The following RGS17 variants were observed in gnomAD, a reference collection of about 807,000 sequenced individuals.
The protein encoded by RGS17 is regulator of G protein signaling 17.
A neutral mutation model predicts 25.5 loss-of-function variants in RGS17; 12 were observed. The observed-to-expected ratio is 0.47, with a 90% CI of 0.30 to 0.76. The LOEUF (loss-of-function observed/expected upper bound fraction) is 0.76, where lower values mean the gene tolerates loss of function less well. RGS17 is among the 30% of genes least tolerant of loss of function. The pLI, the probability that RGS17 is intolerant of heterozygous loss-of-function variation, is 0.07. For synonymous variants in RGS17, 71 were observed against 76.9 expected (o/e 0.92, Z 0.40); for missense variants, 196 against 242.2 (o/e 0.81, Z 1.27).
intron 1 of RGS17, among the ~76,000 whole-genome samples, chr6:153,116,919 T>C (rs1428973572): frequency 6.6e-6 from 1 of 152,018 alleles, no homozygotes; most frequent in Non-Finnish European, 1.5e-5. Context: ...CACCAAGGCC[T>C]GTCAGGAGGT....
At chr6:153,123,841 G>A (rs141174560) in intron 1 of RGS17, among the ~76,000 whole-genome samples, 122 of 152,204 alleles carry the variant, frequency 8.0e-4, no homozygotes, top group East Asian at 2.7e-3. Context: ...CAATGATTAC[G>A]CAGGGTAGCC....
intron 3 of RGS17, among the ~76,000 whole-genome samples, chr6:153,025,339 G>A (rs1248329984): frequency 6.6e-6 from 1 of 151,452 alleles, no homozygotes; most frequent in Non-Finnish European, 1.5e-5. Flanking sequence ...TTTTTCCTAC[G>A]AAAAGTTAAT....
At chr6:153,120,248 T>A (rs1365207245) in intron 1 of RGS17, among the ~76,000 whole-genome samples, 1 of 152,234 alleles carries the variant, frequency 6.6e-6, no homozygotes, top group Non-Finnish European at 1.5e-5. Flanking sequence ...AATGGCGTGC[T>A]AAACATCTGC....
At chr6:153,071,148 G>A (rs1228995496) in intron 1 of RGS17, among the ~76,000 whole-genome samples, 3 of 148,050 alleles carry the variant, frequency 2.0e-5, no homozygotes, top group Non-Finnish European at 4.5e-5. Flanking sequence ...GTACATATGT[G>A]TATATGTACA....
Position 153,033,976 on chromosome 6 carries a change from G to A in RGS17, c.120-7433C>T, listed in dbSNP as rs75153169. Among the ~76,000 whole-genome samples the A allele has an allele frequency of 4.5e-3, 682 of 152,218 alleles. 12 individuals are homozygous for A. Among genetic ancestry groups the A allele is most frequent in the African/African-American group, 0.016 (647 of 41,530 alleles). On this transcript the variant is annotated intron_variant, in intron 2 of 4. Transcript: ENST00000206262. The stretch of plus-strand genomic sequence containing the variant: ...TGTGACTGTTATTAAAATGGCATGC[G>A]ATCATTTGTGTCAAGTGCATTAATT...
chr6:153,030,192 G>T (rs911322340), intron 2 of RGS17, among the ~76,000 whole-genome samples: 2 of 152,256 alleles, frequency 1.3e-5, no homozygotes, highest in East Asian at 3.9e-4. Context: ...CCTCTCTATG[G>T]GGGTGGATTG....
In RGS17 at chr6:153,054,116, G is replaced by GTA. The variant is rs1197939021; in HGVS notation, c.-25-10075_-25-10074dup. Among the ~76,000 whole-genome samples, 34 of 38,638 alleles carry GTA rather than the reference G, an allele frequency of 8.8e-4. 7 individuals carry two copies. In the South Asian group the frequency reaches 0.01, roughly 12 times the overall value. The allele number at this position is 38,638 out of a possible 152,430, so 25.3% of individuals were successfully genotyped here. A position where few individuals can be genotyped will look rare whatever the true frequency, so the allele number is the denominator to read the frequency against. On this transcript the variant is annotated intron_variant, in intron 1 of 4. Coordinates refer to ENST00000206262, the MANE Select transcript of RGS17 (RefSeq NM_012419.5). The stretch of plus-strand genomic sequence containing the variant: ...TTTATATATATATATATATATATGT[G>GTA]TATATATATATATATACAGCTTTAT...
intron 1 of RGS17, among the ~76,000 whole-genome samples, chr6:153,123,616 T>A (rs1233573445): frequency 6.6e-6 from 1 of 152,178 alleles, no homozygotes; most frequent in African/African-American, 2.4e-5. Context: ...CTTAAATGTA[T>A]TTATTCTTCA....
intron 1 of RGS17, among the ~76,000 whole-genome samples, chr6:153,065,031 G>A (rs1776688027): frequency 6.6e-6 from 1 of 152,034 alleles, no homozygotes; most frequent in Admixed American, 6.6e-5. Flanking sequence ...AAAAACATAA[G>A]ACCCCTTGAT....
intron 1 of RGS17, among the ~76,000 whole-genome samples, chr6:153,052,866 C>T (rs28628884): frequency 0.39 from 58,583 of 151,892 alleles, 11,997 homozygotes; most frequent in East Asian, 0.62. Context: ...TAGACAATGA[C>T]GGTGGAGGCC....
chr6:153,086,726 A>T (rs1208121014), intron 1 of RGS17, among the ~76,000 whole-genome samples: 1 of 152,222 alleles, frequency 6.6e-6, no homozygotes, highest in Admixed American at 6.5e-5. Flanking sequence ...CGAGGTTAAT[A>T]ACATAACTTG....
chr6:153,072,604 A>C (rs1776821016), intron 1 of RGS17, among the ~76,000 whole-genome samples: 1 of 152,188 alleles, frequency 6.6e-6, no homozygotes, highest in Admixed American at 6.5e-5. Flanking sequence ...TTTCTCTGTC[A>C]AGAATTCCTA....
At chr6:153,112,336 C>CAACTTAATG (rs935701759) in intron 1 of RGS17, among the ~76,000 whole-genome samples, 3 of 151,940 alleles carry the variant, frequency 2.0e-5, no homozygotes, top group African/African-American at 7.3e-5. Flanking sequence ...GATTGAAGAT[C>CAACTTAATG]AACTTAATGA....
At chr6:153,103,859 T>C (rs901303186) in intron 1 of RGS17, among the ~76,000 whole-genome samples, 4 of 152,278 alleles carry the variant, frequency 2.6e-5, no homozygotes, top group South Asian at 2.1e-4. Context: ...GTAAACATCT[T>C]AAAATTGTCA....
At chr6:153,087,005 G>A (rs777528314) in intron 1 of RGS17, among the ~76,000 whole-genome samples, 4 of 152,160 alleles carry the variant, frequency 2.6e-5, no homozygotes, top group Admixed American at 2.0e-4. Flanking sequence ...ACAAAAGGCC[G>A]GGCACAATGG....
intron 1 of RGS17, among the ~76,000 whole-genome samples, chr6:153,081,075 T>A (rs1776972177): frequency 6.6e-6 from 1 of 152,140 alleles, no homozygotes; most frequent in East Asian, 1.9e-4. Flanking sequence ...ATGTATACTC[T>A]GCTGCATTTG....
chr6:153,091,163 T>C (rs781537303), intron 1 of RGS17, among the ~76,000 whole-genome samples: 2 of 152,200 alleles, frequency 1.3e-5, no homozygotes, highest in African/African-American at 4.8e-5. Flanking sequence ...GGTTTAGAAA[T>C]AGCATGAACC....
rs1776354542 is a variant in RGS17 at position 153,043,945 on chromosome 6, T to C, written c.74A>G (p.Asn25Ser). ...VSQAPGNQRP[N>S]NTCCFCWCCC... ...GCACCAACAAAAGCAACAGGTGTTG[T>C]TGGGCCTCTGGTTTCCAGGAGCTTG... The change falls in exon 2 of 5, where the codon AAC (asparagine) becomes AGC (serine). Residue 25 changes from asparagine to serine, a missense_variant. Around this residue, in one of 2 missense-constraint regions of RGS17, gnomAD observed 17 missense variants for 44.7 expected, o/e 0.38. Transcript: ENST00000206262. The C allele has an allele frequency of 1.2e-6, 2 of 1,612,786 alleles. No homozygotes were observed. The highest frequency in any genetic ancestry group is 8.5e-7 in the Non-Finnish European group (1 of 1,179,512).
Position 153,130,467 on chromosome 6 carries a change from TATAC to T in RGS17, c.-26+653_-26+656del, listed in dbSNP as rs983177860. On this transcript the variant is annotated intron_variant, in intron 1 of 4. Coordinates refer to ENST00000206262, the MANE Select transcript of RGS17 (RefSeq NM_012419.5). This position sits in a 1 kb window ranked among gnomAD's most constrained non-coding sequence, Gnocchi z 6.4. ...GGAACAAAAGAGACCCCCCACCCCC[TATAC>T]ATACATACACATACACACACACACA... Among the ~76,000 whole-genome samples, 4 of 137,822 alleles carry T rather than the reference TATAC, an allele frequency of 2.9e-5. No individual in the cohort carries two copies. Among genetic ancestry groups the T allele is most frequent in the Admixed American group, 7.4e-5 (1 of 13,530 alleles). 90.4% of individuals were successfully genotyped at this position (137,822 alleles called of 152,430 possible).
Sources: gnomAD v4.1 joint callset for allele counts (sites outside exome capture counted in the v4.1 genomes callset) on GRCh38, gnomAD v4.1.1 for gene constraint, gnomAD v4.1.1 regional missense constraint, Gnocchi (gnomAD v3.1) non-coding constraint, MANE v1.5 for transcripts, NCBI Gene and HGNC (gene_info 2026-07-23, HGNC 2026-07-21) for gene names.